The following IKZF1 variants were observed in gnomAD, a reference collection of about 807,000 sequenced individuals.
IKZF1 encodes the protein DNA-binding protein Ikaros.
IKZF1 carries 10 observed loss-of-function variants against 51.7 expected under a neutral mutation model. That is an observed-to-expected ratio of 0.19 (90% CI 0.12 to 0.33). The LOEUF (loss-of-function observed/expected upper bound fraction) is 0.33, where lower values mean the gene tolerates loss of function less well. Among genes scored for constraint, IKZF1 ranks in the 10% least tolerant of loss-of-function variants. IKZF1 has a pLI of 1.00. For synonymous variants in IKZF1, 280 were observed against 282.3 expected, an observed-to-expected ratio of 0.99 and a Z score of 0.08; for missense variants, 484 against 707.5, an observed-to-expected ratio of 0.68 and a Z score of 3.58.
In IKZF1 at chr7:50,399,942, C is replaced by G; in HGVS notation, c.875C>G (p.Pro292Arg). Residue 292 changes from proline to arginine, a missense_variant, in exon 8 of 8, where the codon CCC becomes CGC. Pro to Arg is a moderately radical substitution (Grantham distance 103). Transcript: ENST00000331340. ...GGGGACAAGGGCCTGTCCGACACGC[C>G]CTACGACAGCAGCGCCAGCTACGAG... ...FLGDKGLSDT[P>R]YDSSASYEKE... 2.5e-6 allele frequency: 4 copies of G among 1,613,116 alleles called. No homozygotes were observed. The highest frequency in any genetic ancestry group is 3.4e-6 in the Non-Finnish European group (4 of 1,179,710).
chr7:50,351,918 T>C (rs531134905), intron 3 of IKZF1, among the ~76,000 whole-genome samples: 1 of 152,350 alleles, frequency 6.6e-6, no homozygotes, highest in South Asian at 2.1e-4. Flanking sequence ...CTTCAGTCTT[T>C]TCTTCTTAGC....
intron 3 of IKZF1, among the ~76,000 whole-genome samples, chr7:50,373,337 C>T (rs1809275823): frequency 6.6e-6 from 1 of 152,240 alleles, no homozygotes; most frequent in South Asian, 2.1e-4. Flanking sequence ...CCCAGAAATA[C>T]TCATTCTTAA....
intron 2 of IKZF1, among the ~76,000 whole-genome samples, chr7:50,319,427 AAG>A (rs368445176): frequency 5.3e-5 from 8 of 151,504 alleles, no homozygotes; most frequent in Non-Finnish European, 7.4e-5. Context: ...ATGGTACTTA[AAG>A]AGAGAGAGAG....
At chr7:50,359,676 A>C (rs540728299) in intron 3 of IKZF1, among the ~76,000 whole-genome samples, 1 of 152,386 alleles carries the variant, frequency 6.6e-6, no homozygotes, top group South Asian at 2.1e-4. Flanking sequence ...GTGGTCACTC[A>C]TGTACACATG....
chr7:50,373,400 G>C (rs904447683), intron 3 of IKZF1, among the ~76,000 whole-genome samples: 32 of 152,170 alleles, frequency 2.1e-4, no homozygotes, highest in Non-Finnish European at 2.1e-4. Context: ...GGCCATATGT[G>C]CCCATGGGAA....
chr7:50,338,652 A>C (rs2153411570), intron 3 of IKZF1, among the ~76,000 whole-genome samples: 1 of 152,364 alleles, frequency 6.6e-6, no homozygotes, highest in African/African-American at 2.4e-5. Context: ...AGAAAGGCTT[A>C]AACAGAGTAC....
chr7:50,315,087 C>T (rs903751462), intron 1 of IKZF1, among the ~76,000 whole-genome samples: 49 of 152,240 alleles, frequency 3.2e-4, no homozygotes, highest in African/African-American at 1.1e-3. Context: ...GCTCCTAGTC[C>T]GGCTTCTGCT....
At chr7:50,380,972 T>A (rs1811684765) in intron 4 of IKZF1, among the ~76,000 whole-genome samples, 2 of 152,228 alleles carry the variant, frequency 1.3e-5, no homozygotes, top group African/African-American at 4.8e-5. Context: ...TCCTTCTCTC[T>A]GCTTAGCTAA....
intron 4 of IKZF1, among the ~76,000 whole-genome samples, chr7:50,377,954 G>T (rs1024529456): frequency 6.6e-6 from 1 of 152,166 alleles, no homozygotes; most frequent in Non-Finnish European, 1.5e-5. Context: ...TATTTTAAAG[G>T]CCTAGCAGAT....
At chr7:50,373,426 T>C (rs1482013318) in intron 3 of IKZF1, among the ~76,000 whole-genome samples, 1 of 152,206 alleles carries the variant, frequency 6.6e-6, no homozygotes, top group Non-Finnish European at 1.5e-5. Flanking sequence ...GAGTCAATTC[T>C]CTCTAGCTGG....
At chr7:50,343,509 A>G (rs1280236656) in intron 3 of IKZF1, among the ~76,000 whole-genome samples, 1 of 152,176 alleles carries the variant, frequency 6.6e-6, no homozygotes, top group East Asian at 1.9e-4. Flanking sequence ...TCACAACTAC[A>G]CAAATCTCTT....
At chr7:50,395,775 A>G (rs973151679) in intron 7 of IKZF1, among the ~76,000 whole-genome samples, 1 of 152,060 alleles carries the variant, frequency 6.6e-6, no homozygotes, top group Admixed American at 6.5e-5. Context: ...TAGATGTTCT[A>G]TTTCTATCAT....
At chr7:50,373,720 G>A (rs190842457) in intron 3 of IKZF1, among the ~76,000 whole-genome samples, 20 of 152,238 alleles carry the variant, frequency 1.3e-4, no homozygotes, top group Admixed American at 3.3e-4. Context: ...TTTCCAGAGC[G>A]GGCTAGTGTA....
intron 4 of IKZF1, among the ~76,000 whole-genome samples, chr7:50,381,779 C>T (rs972289611): frequency 6.6e-6 from 1 of 152,212 alleles, no homozygotes; most frequent in Non-Finnish European, 1.5e-5. Context: ...AGCTAGAAAT[C>T]TCAATGCAAC....
chr7:50,327,699 C>T lies in IKZF1; in HGVS notation c.102C>T (p.Pro34=), dbSNP rs776947333. The T allele has an allele frequency of 7.4e-6, 12 of 1,613,724 alleles. No individual in the cohort carries two copies. The highest frequency in any genetic ancestry group is 4.0e-5 in the African/African-American group (3 of 75,042). Residue 34 remains proline, a synonymous_variant, in exon 3 of 8, where the codon CCC becomes CCT. Coordinates refer to ENST00000331340, the MANE Select transcript of IKZF1 (RefSeq NM_006060.6). ...PDEGDEPMPI[P]EDLSTTSGGQ... ...AGGGCGATGAGCCCATGCCGATCCC[C>T]GAGGACCTCTCCACCACCTCGGGAG...
At chr7:50,398,845 A>G (rs1817382268) in intron 7 of IKZF1, among the ~76,000 whole-genome samples, 1 of 152,268 alleles carries the variant, frequency 6.6e-6, no homozygotes, top group Non-Finnish European at 1.5e-5. Flanking sequence ...GTAAGAGTGC[A>G]GTTACTGTAA....
rs1029457207 is a variant in IKZF1 at position 50,346,703 on chromosome 7, G to C, written c.160+18946G>C. ...CCCCTGCCTCGAAAGGAGCTCTTCT[G>C]TGTGTAAGTGTACCTTCCCCCTCAG... On this transcript the variant is annotated intron_variant, in intron 3 of 7. Transcript: ENST00000331340. 2.0e-5 allele frequency among the ~76,000 whole-genome samples: 3 copies of C among 152,314 alleles called. No individual in the cohort carries two copies. The East Asian group carries it at 5.8e-4, about 29-fold the overall frequency.
chr7:50,349,245 C>G (rs952814680), intron 3 of IKZF1, among the ~76,000 whole-genome samples: 1 of 152,232 alleles, frequency 6.6e-6, no homozygotes, highest in Non-Finnish European at 1.5e-5. Context: ...CTAAATAGCA[C>G]TAGTAAACTG....
At chr7:50,321,667 A>C (rs1793359984) in intron 2 of IKZF1, among the ~76,000 whole-genome samples, 1 of 152,196 alleles carries the variant, frequency 6.6e-6, no homozygotes, top group African/African-American at 2.4e-5. Context: ...CTAGAGTCAA[A>C]GCTGAATGCT....
Sources: gnomAD v4.1 joint callset for allele counts (sites outside exome capture counted in the v4.1 genomes callset) on GRCh38, gnomAD v4.1.1 for gene constraint, MANE v1.5 for transcripts, NCBI Gene and HGNC (gene_info 2026-07-23, HGNC 2026-07-21) for gene names.